The following RAB27A variants were observed in gnomAD, a reference collection of about 807,000 sequenced individuals.
The protein encoded by RAB27A is RAB27A, member RAS oncogene family, also known as ras-related protein Rab-27A.
A neutral mutation model predicts 20.8 loss-of-function variants in RAB27A; 17 were observed. The ratio of observed to expected loss-of-function variants is 0.82; its 90% CI spans 0.56 to 1.23. The LOEUF (loss-of-function observed/expected upper bound fraction) is 1.23, where lower values mean the gene tolerates loss of function less well. Among genes scored for constraint, RAB27A ranks in the 50% most tolerant of loss-of-function variants. RAB27A has a pLI of 0.00. For synonymous variants in RAB27A, 85 were observed against 92.8 expected (o/e 0.92, Z 0.48); for missense variants, 277 against 266.7 (o/e 1.04, Z -0.27).
Position 55,236,179 on chromosome 15 carries a change from G to A in RAB27A, c.-22-1223C>T, listed in dbSNP as rs189945404. 2.9e-3 allele frequency among the ~76,000 whole-genome samples: 437 copies of A among 151,448 alleles called. 3 individuals carry two copies. The highest frequency in any genetic ancestry group is 1.0e-2 in the African/African-American group (411 of 41,248). ...CCTATGGAAATAAAAAAAAAAGAAA[G>A]AAAGAAAGTCTCCTAGTGCTAGAAC... On this transcript the variant is annotated intron_variant, in intron 2 of 6. Transcript: ENST00000336787.
Position 55,207,686 on chromosome 15 carries a change from T to G in RAB27A, c.468-1981A>C, listed in dbSNP as rs1044768291. Among the ~76,000 whole-genome samples, 6 of 152,170 alleles carry G rather than the reference T, an allele frequency of 3.9e-5. No individual in the cohort carries two copies. In the South Asian group the frequency reaches 1.2e-3, roughly 32 times the overall value. ...CGACTTTTTTGTTTTTGTTTTTGTT[T>G]TGTTTTGTTTTTTAGAGATGGAGTC... On this transcript the variant is annotated intron_variant, in intron 6 of 6. Transcript: ENST00000336787.
chr15:55,303,788 G>T (rs1445911368), intron 2 of RAB27A, among the ~76,000 whole-genome samples: 3 of 122,770 alleles, frequency 2.4e-5, no homozygotes, highest in African/African-American at 3.4e-5. Context: ...GGAGGGAGGT[G>T]GGGGGGTCAG....
intron 2 of RAB27A, among the ~76,000 whole-genome samples, chr15:55,266,212 C>T (rs1183353628): frequency 1.3e-5 from 2 of 152,220 alleles, no homozygotes; most frequent in African/African-American, 4.8e-5. Flanking sequence ...TACCTTTCTG[C>T]CTTGTGAGAA....
At chr15:55,309,135 T>TC (rs1360130680) in intron 2 of RAB27A, among the ~76,000 whole-genome samples, 1 of 152,210 alleles carries the variant, frequency 6.6e-6, no homozygotes, top group Non-Finnish European at 1.5e-5. Context: ...GTATTGACTT[T>TC]CCAAGTTTCC....
Position 55,205,719 on chromosome 15 carries a change from A to C in RAB27A, c.468-14T>G. 6.2e-7 allele frequency: 1 copy of C among 1,600,726 alleles called. No homozygotes were observed. Among genetic ancestry groups the C allele is most frequent in the East Asian group, 2.2e-5 (1 of 44,784 alleles). On this transcript the variant is annotated splice_polypyrimidine_tract_variant and intron_variant, in intron 6 of 6. Coordinates refer to ENST00000336787, the MANE Select transcript of RAB27A (RefSeq NM_183235.3). ...AAGTAGGGGATTCTGGAAGACAGAGACAACTGAGGTAACAACATGTGGAGG... is the reference window on the plus strand; with the variant it reads ...AAGTAGGGGATTCTGGAAGACAGAGCCAACTGAGGTAACAACATGTGGAGG...
rs542728091 is a variant in RAB27A at position 55,299,151 on chromosome 15, C to T, written c.-112+14888G>A. Reference sequence around the variant, plus strand: ...AAGTGATAAGTGTCCATGAAATTGTCACAATTTATGTTTAGAGATTGCAGT... The same window carrying T: ...AAGTGATAAGTGTCCATGAAATTGTTACAATTTATGTTTAGAGATTGCAGT... On this transcript the variant is annotated intron_variant, in intron 2 of 5. Coordinates refer to the RAB27A transcript ENST00000563262. 4.6e-5 allele frequency among the ~76,000 whole-genome samples: 7 copies of T among 152,288 alleles called. 1 individual carries two copies. Among genetic ancestry groups the T allele is most frequent in the Admixed American group, 4.6e-4 (7 of 15,300 alleles).
chr15:55,304,992 G>T (rs1231689798), intron 2 of RAB27A, among the ~76,000 whole-genome samples: 1 of 152,188 alleles, frequency 6.6e-6, no homozygotes. Context: ...CCCAATCATT[G>T]TCCTTCCCAC....
chr15:55,216,097 G>T (rs1433832827), intron 6 of RAB27A, among the ~76,000 whole-genome samples: 1 of 152,024 alleles, frequency 6.6e-6, no homozygotes, highest in Non-Finnish European at 1.5e-5. Context: ...AATAACATCA[G>T]TATCTTCTTG....
chr15:55,298,218 A>C (rs2054957849), intron 2 of RAB27A, among the ~76,000 whole-genome samples: 1 of 151,896 alleles, frequency 6.6e-6, no homozygotes, highest in African/African-American at 2.4e-5. Context: ...AAAAAAAAAA[A>C]AAAAAGTCAG....
chr15:55,309,361 T>C (rs2141145647), intron 2 of RAB27A, among the ~76,000 whole-genome samples: 1 of 152,348 alleles, frequency 6.6e-6, no homozygotes, highest in African/African-American at 2.4e-5. Flanking sequence ...GCTGAACTTT[T>C]GGTTTGGAAA....
chr15:55,206,336 T>C (rs1240282187), intron 6 of RAB27A: 1 of 769,354 alleles, frequency 1.3e-6, no homozygotes, highest in African/African-American at 1.9e-5. Context: ...GAATTAAATC[T>C]TTTTTCGTTT....
At chr15:55,300,612 G>A (rs1313465452) in intron 2 of RAB27A, among the ~76,000 whole-genome samples, 1 of 152,180 alleles carries the variant, frequency 6.6e-6, no homozygotes, top group Non-Finnish European at 1.5e-5. Flanking sequence ...CCGGGAGGTG[G>A]AGGTTGCAGT....
At chr15:55,286,528 T>G (rs138537904) in intron 1 of RAB27A, among the ~76,000 whole-genome samples, 3 of 152,242 alleles carry the variant, frequency 2.0e-5, no homozygotes, top group African/African-American at 7.2e-5. Context: ...ACTTTTCACC[T>G]GAATGAAATA....
chr15:55,308,688 G>C (rs2055008137), intron 2 of RAB27A, among the ~76,000 whole-genome samples: 4 of 152,216 alleles, frequency 2.6e-5, no homozygotes, highest in Admixed American at 2.6e-4. Context: ...ACTGGGTTAA[G>C]AGTTGCACAA....
chr15:55,302,986 G>C (rs1472631017), intron 2 of RAB27A, among the ~76,000 whole-genome samples: 1 of 143,302 alleles, frequency 7.0e-6, no homozygotes, highest in African/African-American at 2.8e-5. Flanking sequence ...GGGAGGTGGG[G>C]GGGGGTCAAC....
intron 2 of RAB27A, among the ~76,000 whole-genome samples, chr15:55,245,326 TG>T (rs1266351397): frequency 6.6e-6 from 1 of 151,918 alleles, no homozygotes; most frequent in African/African-American, 2.4e-5. Flanking sequence ...ATGTCAAGAG[TG>T]GAAAAAATGA....
intron 2 of RAB27A, among the ~76,000 whole-genome samples, chr15:55,307,819 C>T (rs1053226252): frequency 6.6e-6 from 1 of 151,074 alleles, no homozygotes; most frequent in African/African-American, 2.4e-5. Flanking sequence ...ATTTCTTTGG[C>T]ACACTTCACA....
chr15:55,231,349 A>C (rs1269855114), intron 3 of RAB27A, among the ~76,000 whole-genome samples: 1 of 152,156 alleles, frequency 6.6e-6, no homozygotes, highest in Non-Finnish European at 1.5e-5. Context: ...AGTGCTCTTA[A>C]AAGAATTTTA....
chr15:55,246,568 T>C (rs922310823), intron 2 of RAB27A, among the ~76,000 whole-genome samples: 2 of 151,434 alleles, frequency 1.3e-5, no homozygotes, highest in African/African-American at 2.4e-5. Flanking sequence ...ATAGTACTTA[T>C]AGTTTGTGAC....
Sources: allele counts gnomAD v4.1 joint callset (sites outside exome capture counted in the v4.1 genomes callset), GRCh38; gene constraint gnomAD v4.1.1; transcripts MANE v1.5; gene names NCBI Gene and HGNC (gene_info 2026-07-23, HGNC 2026-07-21).